FCHSD2: variants seen among roughly 807,000 people sequenced by gnomAD.
The protein encoded by FCHSD2 is F-BAR and double SH3 domains protein 2.
FCHSD2 carries 38 observed loss-of-function variants against 108.1 expected under a neutral mutation model. That is an observed-to-expected ratio of 0.35 (90% confidence interval 0.27 to 0.46). The LOEUF (loss-of-function observed/expected upper bound fraction) is 0.46. Among genes scored for constraint, FCHSD2 ranks in the 20% least tolerant of loss-of-function variants. The pLI is 1.00. For missense variants in FCHSD2, 751 were observed against 897.8 expected, an observed-to-expected ratio of 0.84 and a Z score of 2.09; for synonymous variants, 279 against 314.7, an observed-to-expected ratio of 0.89 and a Z score of 1.20.
intron 18 of FCHSD2, among the ~76,000 whole-genome samples, 174 bp downstream of exon 18, chr11:72,841,280 G>A (rs1162689083): frequency 1.4e-5 from 2 of 138,664 alleles, no homozygotes; most frequent in African/African-American, 2.7e-5. Context: ...GCTATGAGCC[G>A]TGATCATGCC....
At chr11:73,064,446 C>T (rs1321726493) in intron 3 of FCHSD2, among the ~76,000 whole-genome samples, 1 of 151,420 alleles carries the variant, frequency 6.6e-6, no homozygotes, top group Non-Finnish European at 1.5e-5. Context: ...CAGAGCAGAA[C>T]TGAAGGAGAT....
chr11:72,865,127 C>T (rs1298002883), intron 13 of FCHSD2, among the ~76,000 whole-genome samples: 1 of 152,158 alleles, frequency 6.6e-6, no homozygotes, highest in Non-Finnish European at 1.5e-5. Flanking sequence ...TAATGTCTAA[C>T]AGTAGTATTA....
At chr11:72,999,717 A>G (rs768923871) in intron 5 of FCHSD2, among the ~76,000 whole-genome samples, 1 of 152,210 alleles carries the variant, frequency 6.6e-6, no homozygotes, top group Admixed American at 6.5e-5. Context: ...TAAACTCTCT[A>G]AATATTCTGA....
chr11:73,097,511 T>G (rs1193318564), intron 2 of FCHSD2, among the ~76,000 whole-genome samples: 1 of 148,408 alleles, frequency 6.7e-6, no homozygotes, highest in Non-Finnish European at 1.5e-5. Flanking sequence ...TTTTCTTCTG[T>G]TTTTTTGGAA....
chr11:72,973,098 G>GT lies in FCHSD2; in HGVS notation c.705+10989dup, dbSNP rs1054554736. On this transcript the variant is annotated intron_variant, in intron 8 of 19. Transcript: ENST00000409418. ...AATGGGTAAGTTATGGCCGGGCGCG[G>GT]TGGCTCATGCCTATAATCCCAGCAC... Among the ~76,000 whole-genome samples the GT allele has an allele frequency of 4.4e-4, 67 of 152,202 alleles. 1 individual carries two copies. The highest frequency in any genetic ancestry group is 4.0e-3 in the Admixed American group (61 of 15,290).
At chr11:73,056,820 C>A in intron 3 of FCHSD2, among the ~76,000 whole-genome samples, 1 of 152,150 alleles carries the variant, frequency 6.6e-6, no homozygotes, top group East Asian at 1.9e-4. Flanking sequence ...CGGTGGCTCA[C>A]GCCTGTAATC....
chr11:73,098,629 C>A (rs1201023924), intron 2 of FCHSD2, among the ~76,000 whole-genome samples: 2 of 151,958 alleles, frequency 1.3e-5, no homozygotes, highest in Non-Finnish European at 2.9e-5. Flanking sequence ...CATCTATGAT[C>A]AGCTGATTTT....
intron 12 of FCHSD2, among the ~76,000 whole-genome samples, chr11:72,883,822 C>T (rs1229401626): frequency 2.0e-5 from 3 of 151,826 alleles, no homozygotes; most frequent in African/African-American, 7.3e-5. Context: ...TTCCCAGCTA[C>T]TCGGGAGGCT....
chr11:73,035,150 TTATG>T (rs200439027), intron 3 of FCHSD2, among the ~76,000 whole-genome samples: 1,635 of 143,930 alleles, frequency 0.011, 9 homozygotes, highest in East Asian at 0.025. Context: ...GTTTTTATTT[TTATG>T]TATGTATGTA....
intron 8 of FCHSD2, among the ~76,000 whole-genome samples, chr11:72,962,424 A>T (rs2135374213): frequency 6.6e-6 from 1 of 152,334 alleles, no homozygotes; most frequent in Non-Finnish European, 1.5e-5. Context: ...TTCCTCAATA[A>T]TTTTTAAGAG....
intron 3 of FCHSD2, among the ~76,000 whole-genome samples, chr11:73,028,811 T>C (rs887570837): frequency 1.3e-5 from 2 of 152,148 alleles, no homozygotes; most frequent in Admixed American, 1.3e-4. Flanking sequence ...TGAGAGCTGA[T>C]GGTTTAAAAG....
chr11:72,999,123 C>T (rs1431868404), intron 5 of FCHSD2, among the ~76,000 whole-genome samples: 2 of 152,112 alleles, frequency 1.3e-5, no homozygotes, highest in African/African-American at 4.8e-5. Context: ...GTTATACAAG[C>T]AGATACATTC....
chr11:73,074,062 A>G (rs951851413), intron 3 of FCHSD2, among the ~76,000 whole-genome samples: 2 of 152,228 alleles, frequency 1.3e-5, no homozygotes, highest in Admixed American at 6.5e-5. Context: ...TTATAAAGAC[A>G]AAGTACTTAA....
At chr11:72,944,262 C>T (rs948029158) in intron 8 of FCHSD2, among the ~76,000 whole-genome samples, 7 of 152,144 alleles carry the variant, frequency 4.6e-5, no homozygotes, top group African/African-American at 1.7e-4. Flanking sequence ...AATCAATAAA[C>T]ATAATCCAGC....
intron 12 of FCHSD2, among the ~76,000 whole-genome samples, chr11:72,879,001 T>C (rs1189335300): frequency 6.6e-6 from 1 of 151,990 alleles, no homozygotes; most frequent in Admixed American, 6.6e-5. Context: ...TCCCAGCTAC[T>C]TGGGAAGCTG....
chr11:72,980,611 C>T (rs1376790018), intron 8 of FCHSD2, among the ~76,000 whole-genome samples: 1 of 151,192 alleles, frequency 6.6e-6, no homozygotes, highest in Admixed American at 6.6e-5. Context: ...AGTCCTCCAG[C>T]AGTAAGTGAT....
chr11:72,900,328 T>C, intron 10 of FCHSD2: 1 of 1,479,078 alleles, frequency 6.8e-7, no homozygotes, highest in Non-Finnish European at 9.1e-7. Context: ...GCTTTTAAAC[T>C]CTGCCCAGTA....
chr11:72,924,704 C>T (rs1209144844), intron 8 of FCHSD2, among the ~76,000 whole-genome samples: 1 of 143,490 alleles, frequency 7.0e-6, no homozygotes, highest in Non-Finnish European at 1.5e-5. Flanking sequence ...TTTAAATACA[C>T]AAATTCTGTC....
At chr11:72,862,919 T>C (rs113583431) in intron 13 of FCHSD2, among the ~76,000 whole-genome samples, 1,915 of 152,184 alleles carry the variant, frequency 0.013, 13 homozygotes, top group South Asian at 0.027. Context: ...AACAGACCCA[T>C]ACATATATGA....
Sources: gnomAD v4.1 joint callset for allele counts (sites outside exome capture counted in the v4.1 genomes callset) on GRCh38, gnomAD v4.1.1 for gene constraint, MANE v1.5 for transcripts, NCBI Gene and HGNC (gene_info 2026-07-23, HGNC 2026-07-21) for gene names.